Variants in RSU1 observed in about 807,000 individuals in gnomAD.
RSU1 encodes rsu-1.
Under a neutral mutation model 31.1 loss-of-function variants are expected in RSU1, and 26 were observed. The ratio of observed to expected loss-of-function variants is 0.84; its 90% CI spans 0.61 to 1.16. The LOEUF (loss-of-function observed/expected upper bound fraction) is 1.16, where lower values mean the gene tolerates loss of function less well. RSU1 is among the 50% of genes most tolerant of loss of function. The probability of loss-of-function intolerance (pLI) is 0.00; values close to 1 mark genes in which losing one functional copy is unlikely to be tolerated. For synonymous variants in RSU1, 164 were observed against 136.3 expected, an observed-to-expected ratio of 1.20 and a Z score of -1.41; for missense variants, 320 against 339.1, an observed-to-expected ratio of 0.94 and a Z score of 0.44.
intron 8 of RSU1, among the ~76,000 whole-genome samples, chr10:16,648,018 G>T (rs760625714): frequency 6.6e-6 from 1 of 151,750 alleles, no homozygotes. Context: ...GCCTGCTCAG[G>T]GCTCACTGCA....
intron 8 of RSU1, among the ~76,000 whole-genome samples, chr10:16,607,343 T>G (rs761013709): frequency 6.6e-6 from 1 of 152,190 alleles, no homozygotes; most frequent in Non-Finnish European, 1.5e-5. Context: ...GTCTCAGGTA[T>G]GTCTTTATAG....
At chr10:16,642,342 C>G (rs1834457359) in intron 8 of RSU1, among the ~76,000 whole-genome samples, 1 of 152,150 alleles carries the variant, frequency 6.6e-6, no homozygotes, top group Non-Finnish European at 1.5e-5. Context: ...TCTGCGGAGA[C>G]CCACAGAGGG....
At chr10:16,752,356 C>T (rs748259785) in intron 7 of RSU1, among the ~76,000 whole-genome samples, 183 bp downstream of exon 7, 6 of 152,090 alleles carry the variant, frequency 3.9e-5, no homozygotes, top group African/African-American at 1.4e-4. Context: ...ACACAGGATC[C>T]GGGAAGGTCA....
chr10:16,790,850 T>C (rs1250565823), intron 2 of RSU1, among the ~76,000 whole-genome samples: 1 of 152,190 alleles, frequency 6.6e-6, no homozygotes. Context: ...CGTGATTTCT[T>C]CCCCTTCGCC....
intron 8 of RSU1, among the ~76,000 whole-genome samples, chr10:16,676,560 T>C (rs1410972877): frequency 6.6e-6 from 1 of 152,192 alleles, no homozygotes; most frequent in Non-Finnish European, 1.5e-5. Flanking sequence ...CAATCCTTTA[T>C]CCAGAATTCT....
At chr10:16,593,575 T>G in intron 8 of RSU1, 79 bp from the exon 9 acceptor site, 1 of 1,097,176 alleles carries the variant, frequency 9.1e-7, no homozygotes. Flanking sequence ...CTTTCAGGAA[T>G]AGAAGAATCT....
intron 8 of RSU1, among the ~76,000 whole-genome samples, chr10:16,647,744 T>C (rs1174334385): frequency 1.3e-5 from 2 of 152,126 alleles, no homozygotes; most frequent in African/African-American, 2.4e-5. Context: ...TAATTGACTG[T>C]AGGGATGAAT....
intron 7 of RSU1, among the ~76,000 whole-genome samples, chr10:16,710,351 G>T (rs1456258591): frequency 6.6e-6 from 1 of 152,212 alleles, no homozygotes; most frequent in Non-Finnish European, 1.5e-5. Flanking sequence ...ACTGGTATGA[G>T]TAATACTTGA....
At chr10:16,716,342 A>G (rs1333835539) in intron 7 of RSU1, among the ~76,000 whole-genome samples, 1 of 152,128 alleles carries the variant, frequency 6.6e-6, no homozygotes, top group Admixed American at 6.5e-5. Flanking sequence ...ATTTTAATCT[A>G]TCTTTATTTT....
chr10:16,816,149 T>C (rs1838525521), intron 2 of RSU1, among the ~76,000 whole-genome samples: 4 of 152,202 alleles, frequency 2.6e-5, no homozygotes, highest in Admixed American at 2.6e-4. Flanking sequence ...GTAGCCAACA[T>C]CTAAAAATTA....
intron 7 of RSU1, among the ~76,000 whole-genome samples, chr10:16,732,250 T>C (rs1836528626): frequency 6.6e-6 from 1 of 152,232 alleles, no homozygotes; most frequent in South Asian, 2.1e-4. Context: ...TTACCATTGT[T>C]GATTCTGCTA....
chr10:16,725,347 C>A (rs1836367835), intron 7 of RSU1, among the ~76,000 whole-genome samples: 1 of 152,066 alleles, frequency 6.6e-6, no homozygotes, highest in Non-Finnish European at 1.5e-5. Context: ...CTACAAGATT[C>A]CAGTAAAAGA....
chr10:16,667,757 C>CA (rs1454607058), intron 8 of RSU1, among the ~76,000 whole-genome samples: 5 of 152,082 alleles, frequency 3.3e-5, no homozygotes, highest in Non-Finnish European at 7.4e-5. Flanking sequence ...CAAGGTGCTG[C>CA]AATTACAGGC....
chr10:16,713,332 T>G (rs1273977526), intron 7 of RSU1, among the ~76,000 whole-genome samples: 2 of 152,222 alleles, frequency 1.3e-5, no homozygotes, highest in African/African-American at 4.8e-5. Flanking sequence ...GTTCCTATAA[T>G]GCACACATTT....
chr10:16,736,343 T>C (rs2131605436), intron 7 of RSU1, among the ~76,000 whole-genome samples: 1 of 152,188 alleles, frequency 6.6e-6, no homozygotes, highest in South Asian at 2.1e-4. Context: ...TTCACAGAAC[T>C]AGAAAACACT....
intron 4 of RSU1, among the ~76,000 whole-genome samples, chr10:16,763,114 T>C (rs570931992): frequency 3.3e-5 from 5 of 152,272 alleles, no homozygotes; most frequent in Admixed American, 1.3e-4. Context: ...AATGAACATA[T>C]GACTTTGCAC....
At chr10:16,804,710 A>C (rs1021369644) in intron 2 of RSU1, among the ~76,000 whole-genome samples, 11 of 152,212 alleles carry the variant, frequency 7.2e-5, no homozygotes, top group African/African-American at 2.7e-4. Context: ...AAAAGTAGCC[A>C]ATCTGTAGAG....
At chr10:16,626,337 C>T (rs993699099) in intron 8 of RSU1, among the ~76,000 whole-genome samples, 1 of 152,128 alleles carries the variant, frequency 6.6e-6, no homozygotes, top group African/African-American at 2.4e-5. Context: ...AGGTGCATGC[C>T]ACCACACCTG....
intron 8 of RSU1, among the ~76,000 whole-genome samples, chr10:16,650,172 A>C (rs540194916): frequency 9.2e-5 from 14 of 152,340 alleles, no homozygotes; most frequent in African/African-American, 3.1e-4. Context: ...CATTCTGTAA[A>C]AGCTGAGACT....
Sources: gnomAD v4.1 joint callset for allele counts (sites outside exome capture counted in the v4.1 genomes callset) on GRCh38, gnomAD v4.1.1 for gene constraint, MANE v1.5 for transcripts, NCBI Gene and HGNC (gene_info 2026-07-23, HGNC 2026-07-21) for gene names.